COL5A3: variants seen among roughly 807,000 people sequenced by gnomAD.
COL5A3 encodes the protein collagen alpha-3(V) chain.
In COL5A3, 172 loss-of-function variants were observed where a neutral mutation model predicts 250.0. That is an observed-to-expected ratio of 0.69 (90% CI 0.61 to 0.78). COL5A3 has a LOEUF of 0.78. COL5A3 is among the 30% of genes least tolerant of loss of function. The pLI, the probability that COL5A3 is intolerant of heterozygous loss-of-function variation, is 0.00. For missense variants in COL5A3, 2,340 were observed against 2,334.4 expected (o/e 1.00, Z -0.05); for synonymous variants, 937 against 900.4 (o/e 1.04, Z -0.73).
At chr19:9,999,894 C>T (rs1455924754) in intron 8 of COL5A3, among the ~76,000 whole-genome samples, 1 of 151,990 alleles carries the variant, frequency 6.6e-6, no homozygotes, top group African/African-American at 2.4e-5. Context: ...TCAGCTGGGA[C>T]CAGAGGCACG....
intron 13 of COL5A3, 54 bp from the exon 14 acceptor site, chr19:9,996,316 C>G (rs1205476170): frequency 2.7e-5 from 41 of 1,546,544 alleles, no homozygotes; most frequent in Non-Finnish European, 3.4e-5. Flanking sequence ...CCCCAACATT[C>G]CCCACAGAGG....
rs1368004396 is a variant in COL5A3, at chr19:9,960,385, C to T, written c.*26G>A. 6.2e-7 allele frequency: 1 copy of T among 1,613,520 alleles called. No homozygotes were observed. ...AATGCACCCCATTCTGGGGCTCCCT[C>T]ATGGTCCCTCCCACCCCGGACACTC... On this transcript the variant is annotated 3_prime_UTR_variant, in exon 67 of 67. Transcript: ENST00000264828.
chr19:9,967,814 T>C (rs1226040637), intron 61 of COL5A3, 90 bp downstream of exon 61: 1 of 1,312,922 alleles, frequency 7.6e-7, no homozygotes, highest in East Asian at 2.4e-5. Flanking sequence ...AATAAATAAA[T>C]AAATGAAGGC....
chr19:9,998,269 T>C, intron 8 of COL5A3, 120 bp from the exon 9 acceptor site: 2 of 1,001,114 alleles, frequency 2.0e-6, no homozygotes, highest in Non-Finnish European at 2.9e-6. Flanking sequence ...GAGTCCACCC[T>C]CAGAGCCCCT....
At chr19:9,995,692 A>G (rs1467051866) in intron 15 of COL5A3, 75 bp from the exon 16 acceptor site, 3 of 1,172,722 alleles carry the variant, frequency 2.6e-6, no homozygotes, top group East Asian at 2.4e-5. Context: ...ATTAAAAAAA[A>G]TTAGAGATGG....
At chr19:9,960,623 C>T in intron 66 of COL5A3, 28 bp downstream of exon 66, 5 of 1,613,744 alleles carry the variant, frequency 3.1e-6, no homozygotes, top group Non-Finnish European at 4.2e-6. Context: ...CCTCCCCTCT[C>T]TAGCTGGCCA....
intron 64 of COL5A3, among the ~76,000 whole-genome samples, chr19:9,965,790 C>T (rs931553418): frequency 1.3e-5 from 2 of 152,126 alleles, no homozygotes; most frequent in Admixed American, 1.3e-4. Flanking sequence ...GTCTGTCTTC[C>T]CATGGAAGGT....
At chr19:9,973,112 G>T in intron 50 of COL5A3, 86 bp from the exon 51 acceptor site, 3 of 1,258,572 alleles carry the variant, frequency 2.4e-6, no homozygotes, top group Non-Finnish European at 3.3e-6. Flanking sequence ...CATTGGGGTG[G>T]TCTGGGACTT....
chr19:9,981,823 C>A (rs974388075), intron 32 of COL5A3, among the ~76,000 whole-genome samples: 3 of 152,226 alleles, frequency 2.0e-5, no homozygotes, highest in African/African-American at 4.8e-5. Context: ...GCATTCAAAC[C>A]CTGTCTCATC....
At chr19:9,972,246 T>A (rs1200218872) in intron 51 of COL5A3, among the ~76,000 whole-genome samples, 2 of 152,250 alleles carry the variant, frequency 1.3e-5, no homozygotes, top group Admixed American at 1.3e-4. Context: ...TCCACTGATT[T>A]ATTCATTTTT....
In COL5A3 at chr19:9,979,250, A is replaced by G. The variant is rs1319835266; in HGVS notation, c.2767-11T>C. 1 of 1,606,086 alleles carries G rather than the reference A, an allele frequency of 6.2e-7. No homozygotes were observed. The highest frequency in any genetic ancestry group is 1.3e-5 in the African/African-American group (1 of 74,446). On this transcript the variant is annotated splice_polypyrimidine_tract_variant and intron_variant, in intron 38 of 66. Transcript: ENST00000264828. ...TTCTCCTGTCTTTCCCTGGTGAGGA[A>G]GAAGGCTCCTGTTGAGTGGGGGTGG... is the stretch of plus-strand genomic sequence containing the variant.
intron 1 of COL5A3, among the ~76,000 whole-genome samples, chr19:10,008,608 A>C (rs1410762823): frequency 6.6e-6 from 1 of 152,154 alleles, no homozygotes; most frequent in Non-Finnish European, 1.5e-5. Flanking sequence ...GTGTGTGCAA[A>C]TACGTGTATG....
chr19:9,980,631 C>G lies in COL5A3; in HGVS notation c.2604+17G>C, dbSNP rs529285868. On this transcript the variant is annotated intron_variant, in intron 35 of 66. Transcript: ENST00000264828. ...ACACACACACATTCACACACACACA[C>G]ACACACACACACTCACCTTTTCTCC... 10 of 1,612,162 alleles carry G rather than the reference C, an allele frequency of 6.2e-6. No individual in the cohort carries two copies. Among genetic ancestry groups the G allele is most frequent in the Non-Finnish European group, 8.5e-6 (10 of 1,179,018 alleles).
At chr19:9,972,269 T>G (rs761411647) in intron 51 of COL5A3, among the ~76,000 whole-genome samples, 41 of 152,252 alleles carry the variant, frequency 2.7e-4, no homozygotes, top group African/African-American at 9.4e-4. Flanking sequence ...ATTAATTCAC[T>G]CATTCACCCA....
chr19:9,966,430 C>A lies in COL5A3; in HGVS notation c.4670-4G>T. On this transcript the variant is annotated splice_region_variant and splice_polypyrimidine_tract_variant and intron_variant, in intron 63 of 66. Coordinates refer to ENST00000264828, the MANE Select transcript of COL5A3 (RefSeq NM_015719.4). Reference sequence around the variant, plus strand: ...TTGGGGTCAATCCAGTATTCCCCTGCCGCAGAGCCAGGCAGGGTGGGTGAG... The same window carrying A: ...TTGGGGTCAATCCAGTATTCCCCTGACGCAGAGCCAGGCAGGGTGGGTGAG... The A allele has an allele frequency of 6.3e-7, 1 of 1,591,006 alleles. No homozygotes were observed. The highest frequency in any genetic ancestry group is 8.6e-7 in the Non-Finnish European group (1 of 1,165,476).
At chr19:9,960,993 C>CT in intron 65 of COL5A3, 103 bp from the exon 66 acceptor site, 2 of 1,420,140 alleles carry the variant, frequency 1.4e-6, no homozygotes, top group Non-Finnish European at 1.9e-6. Flanking sequence ...AGCCACCCCC[C>CT]CCATGTCACC....
At chr19:9,996,284 A>G in intron 13 of COL5A3, 22 bp from the exon 14 acceptor site, 2 of 1,555,086 alleles carry the variant, frequency 1.3e-6, no homozygotes, top group Non-Finnish European at 1.7e-6. Context: ...GAGGAGTCAG[A>G]GCTTGGGGCC....
At chr19:9,971,501 A>G (rs912759237) in intron 51 of COL5A3, among the ~76,000 whole-genome samples, 2 of 152,224 alleles carry the variant, frequency 1.3e-5, no homozygotes, top group Non-Finnish European at 2.9e-5. Context: ...CGGGACTCAC[A>G]GAGAAAACTG....
At chr19:9,967,483 TCACACACACACTCA>T in intron 61 of COL5A3, 83 bp from the exon 62 acceptor site, 1 of 812,474 alleles carries the variant, frequency 1.2e-6, no homozygotes, top group South Asian at 2.1e-5. Flanking sequence ...ACACACACAC[TCACACACACACTCA>T]CACACACACA....
Sources: gnomAD v4.1 joint callset for allele counts (sites outside exome capture counted in the v4.1 genomes callset) on GRCh38, gnomAD v4.1.1 for gene constraint, MANE v1.5 for transcripts, NCBI Gene and HGNC (gene_info 2026-07-23, HGNC 2026-07-21) for gene names.